STK32B: variants seen among roughly 807,000 people sequenced by gnomAD.
STK32B encodes the protein serine/threonine kinase 32B, also known as serine/threonine-protein kinase 32B.
Under a neutral mutation model 52.6 loss-of-function variants are expected in STK32B, and 43 were observed. That is an observed-to-expected ratio of 0.82 (90% CI 0.64 to 1.05). The LOEUF is 1.05. Among genes scored for constraint, STK32B ranks in the 50% least tolerant of loss-of-function variants. STK32B has a pLI of 0.00. For missense variants in STK32B, 621 were observed against 534.6 expected (o/e 1.16, Z -1.59); for synonymous variants, 238 against 204.3 (o/e 1.17, Z -1.41).
Position 5,374,644 on chromosome 4 carries a change from C to G in STK32B, c.435-23563C>G, listed in dbSNP as rs188218233. Among the ~76,000 whole-genome samples, 682 of 152,288 alleles carry G rather than the reference C, an allele frequency of 4.5e-3. 1 individual carries two copies. Among genetic ancestry groups the G allele is most frequent in the Non-Finnish European group, 5.9e-3 (401 of 68,034 alleles). ...AGTGGTAGAAAGGGCAAGGCACCTC[C>G]CTTCAGCGTCTTTTATAAGGGTATT... On this transcript the variant is annotated intron_variant, in intron 4 of 11. Transcript: ENST00000282908.
chr4:5,219,012 T>C (rs542370050), intron 3 of STK32B, among the ~76,000 whole-genome samples: 1 of 152,272 alleles, frequency 6.6e-6, no homozygotes, highest in Non-Finnish European at 1.5e-5. Context: ...CAGCCCCAAA[T>C]TGTGGGGCCT....
intron 1 of STK32B, among the ~76,000 whole-genome samples, chr4:5,068,902 T>C (rs1711588885): frequency 1.3e-5 from 2 of 152,234 alleles, no homozygotes; most frequent in Admixed American, 1.3e-4. Context: ...TTACCTTTTG[T>C]GTGTGCATGT....
At chr4:5,067,179 G>A (rs902914848) in intron 1 of STK32B, among the ~76,000 whole-genome samples, 7 of 152,122 alleles carry the variant, frequency 4.6e-5, no homozygotes, top group African/African-American at 1.7e-4. Flanking sequence ...AAGTGAAAGG[G>A]GTTTCCCTTA....
At chr4:5,489,707 G>T (rs145026905) in intron 11 of STK32B, among the ~76,000 whole-genome samples, 1 of 151,468 alleles carries the variant, frequency 6.6e-6, no homozygotes, top group Non-Finnish European at 1.5e-5. Flanking sequence ...TGCAACCTCC[G>T]CCTCCCAGGT....
rs139950832 is a variant in STK32B, at chr4:5,446,511, T to C, written c.563-162T>C. ...AACTAAGGCACAGAGGAGCCGACAT[T>C]GCGCCATTATGTGCCAGCCTGGGCA... On this transcript the variant is annotated intron_variant, in intron 6 of 11. Transcript: ENST00000282908. 7.9e-3 allele frequency among the ~76,000 whole-genome samples: 1,184 copies of C among 150,494 alleles called. 23 individuals are homozygous for C. Among genetic ancestry groups the C allele is most frequent in the African/African-American group, 0.027 (1,105 of 40,750 alleles).
intron 3 of STK32B, among the ~76,000 whole-genome samples, chr4:5,300,507 C>T (rs1268819777): frequency 1.3e-5 from 2 of 152,112 alleles, no homozygotes; most frequent in Non-Finnish European, 2.9e-5. Flanking sequence ...TCTTTACAGA[C>T]CACATTATTC....
At chr4:5,053,996 T>TAAATAAATAAATAAATAAATAA (rs1261153281) in intron 1 of STK32B, among the ~76,000 whole-genome samples, 70 of 151,396 alleles carry the variant, frequency 4.6e-4, no homozygotes, top group African/African-American at 1.6e-3. Context: ...AATAAATAAA[T>TAAATAAATAAATAAATAAATAA]AAATAAATAT....
chr4:5,415,950 A>G (rs777077348), intron 5 of STK32B, among the ~76,000 whole-genome samples: 1 of 152,132 alleles, frequency 6.6e-6, no homozygotes, highest in Admixed American at 6.5e-5. Context: ...CCACCCATCT[A>G]TGCATTTAAG....
At chr4:5,037,892 G>T in the STK32B span, among the ~76,000 whole-genome samples, 3 of 152,184 alleles carry the variant, frequency 2.0e-5, no homozygotes, top group Non-Finnish European at 4.4e-5. Context: ...TGCCTGGCAT[G>T]TAATGGGCAC....
intron 3 of STK32B, among the ~76,000 whole-genome samples, chr4:5,202,601 C>T (rs1348695755): frequency 6.6e-6 from 1 of 152,272 alleles, no homozygotes; most frequent in African/African-American, 2.4e-5. Flanking sequence ...CTGCAGCAGA[C>T]TTCTTTCTGG....
chr4:5,193,815 G>A (rs1210644743), intron 3 of STK32B, among the ~76,000 whole-genome samples: 1 of 152,232 alleles, frequency 6.6e-6, no homozygotes. Flanking sequence ...GTGCGTTTGC[G>A]GGATGGTGGA....
At chr4:5,089,761 T>G (rs1712954486) in intron 1 of STK32B, among the ~76,000 whole-genome samples, 1 of 152,180 alleles carries the variant, frequency 6.6e-6, no homozygotes, top group South Asian at 2.1e-4. Flanking sequence ...TGGTTCCAGA[T>G]CCCTAAGGAA....
chr4:5,379,844 C>A (rs375917970), intron 4 of STK32B, among the ~76,000 whole-genome samples: 1 of 152,164 alleles, frequency 6.6e-6, no homozygotes, highest in Non-Finnish European at 1.5e-5. Flanking sequence ...TTTAAGCCCC[C>A]GGTTCGTGGT....
chr4:5,367,065 TC>T (rs1324733314), intron 4 of STK32B, among the ~76,000 whole-genome samples: 1 of 152,096 alleles, frequency 6.6e-6, no homozygotes, highest in African/African-American at 2.4e-5. Flanking sequence ...TCCCCTTCTC[TC>T]CATGTTTAGA....
chr4:5,098,304 T>C (rs1170416328), intron 1 of STK32B, among the ~76,000 whole-genome samples: 1 of 152,202 alleles, frequency 6.6e-6, no homozygotes, highest in Admixed American at 6.6e-5. Flanking sequence ...GGAGTTGGGC[T>C]CTATATGTAT....
chr4:5,273,661 C>T (rs1251520554), intron 3 of STK32B, among the ~76,000 whole-genome samples: 7 of 71,764 alleles, frequency 9.8e-5, no homozygotes, highest in African/African-American at 1.9e-4. Flanking sequence ...ACTATGCAGC[C>T]ATAAAAAATG....
intron 3 of STK32B, among the ~76,000 whole-genome samples, chr4:5,247,306 G>A (rs1725528967): frequency 6.6e-6 from 1 of 152,184 alleles, no homozygotes; most frequent in Non-Finnish European, 1.5e-5. Flanking sequence ...CTGCTGCCTT[G>A]CAGTTAGATC....
chr4:5,120,793 G>C (rs1433482172), intron 1 of STK32B, among the ~76,000 whole-genome samples: 1 of 151,516 alleles, frequency 6.6e-6, no homozygotes, highest in Non-Finnish European at 1.5e-5. Context: ...TTACATATGT[G>C]TATGAAATAT....
chr4:5,078,521 A>G (rs1560140021), intron 1 of STK32B, among the ~76,000 whole-genome samples: 1 of 152,236 alleles, frequency 6.6e-6, no homozygotes, highest in Non-Finnish European at 1.5e-5. Context: ...CCAAATATTG[A>G]TAAGTTCTGG....
Sources: allele counts gnomAD v4.1 joint callset (sites outside exome capture counted in the v4.1 genomes callset), GRCh38; gene constraint gnomAD v4.1.1; transcripts MANE v1.5; gene names NCBI Gene and HGNC (gene_info 2026-07-23, HGNC 2026-07-21).